Variants in SCRN1 observed in about 807,000 individuals in gnomAD.
SCRN1 encodes the protein secernin-1.
In SCRN1, 19 loss-of-function variants were observed where a neutral mutation model predicts 43.3. The ratio of observed to expected loss-of-function variants is 0.44; its 90% confidence interval spans 0.31 to 0.64. The LOEUF (loss-of-function observed/expected upper bound fraction) is 0.64, where lower values mean the gene tolerates loss of function less well. Ranked by LOEUF, SCRN1 falls within the 30% of genes least tolerant of loss-of-function variation. The pLI, the probability that SCRN1 is intolerant of heterozygous loss-of-function variation, is 0.09. For missense variants in SCRN1, 447 were observed against 524.1 expected (o/e 0.85, Z 1.44); for synonymous variants, 183 against 188.9 (o/e 0.97, Z 0.26).
At chr7:29,989,066 G>A (rs1789265213) in intron 1 of SCRN1, 1 of 152,038 alleles carries the variant, frequency 6.6e-6, no homozygotes, top group Non-Finnish European at 1.5e-5. Context: ...GCGGCCCGCG[G>A]AGAACCCAGG....
At position 29,927,938 on chromosome 7, in the gene SCRN1, T is replaced by C. The variant is rs1261184083; in HGVS notation, c.906-1306A>G. Among the ~76,000 whole-genome samples, 20 of 152,024 alleles carry C rather than the reference T, an allele frequency of 1.3e-4. 1 individual carries two copies. Among genetic ancestry groups the C allele is most frequent in the Admixed American group, 1.2e-3 (19 of 15,266 alleles). ...GAGTTCGAGCCCAGCCTGGCCAACA[T>C]GGTAAAACCCCGTTTCTACTAAAAA... On this transcript the variant is annotated intron_variant, in intron 6 of 7. Transcript: ENST00000242059.
chr7:29,925,663 T>C lies in SCRN1; in HGVS notation c.1086+789A>G, dbSNP rs144740291. On this transcript the variant is annotated intron_variant, in intron 7 of 7. Transcript: ENST00000242059. Reference sequence around the variant, plus strand: ...GACTTATCACTTTATTAACCAAAGGTGTGGGACTGGGGAGAGCTGCACTTT... The same window carrying C: ...GACTTATCACTTTATTAACCAAAGGCGTGGGACTGGGGAGAGCTGCACTTT... Among the ~76,000 whole-genome samples, 504 of 152,274 alleles carry C rather than the reference T, an allele frequency of 3.3e-3. 2 individuals are homozygous for C. The highest frequency in any genetic ancestry group is 0.012 in the African/African-American group (489 of 41,546).
chr7:29,961,716 A>C (rs529877486), intron 2 of SCRN1, among the ~76,000 whole-genome samples: 1 of 151,122 alleles, frequency 6.6e-6, no homozygotes, highest in Non-Finnish European at 1.5e-5. Context: ...ACTTCCCAGT[A>C]GGGGCCGCCG....
At chr7:29,959,100 C>T (rs1305724442) in intron 2 of SCRN1, among the ~76,000 whole-genome samples, 1 of 152,202 alleles carries the variant, frequency 6.6e-6, no homozygotes, top group Admixed American at 6.5e-5. Flanking sequence ...ATCCACATTC[C>T]AGCACACACT....
chr7:29,954,732 G>A (rs796879694), intron 3 of SCRN1, among the ~76,000 whole-genome samples: 2 of 152,300 alleles, frequency 1.3e-5, no homozygotes, highest in African/African-American at 4.8e-5. Context: ...CTCAGCTGGA[G>A]TGCAATGACA....
Position 29,950,209 on chromosome 7 carries a change from C to G in SCRN1, c.341+4970G>C, listed in dbSNP as rs914343575. The stretch of plus-strand genomic sequence containing the variant: ...CCTGACCTCTTCCCGCTTCCCAGCA[C>G]CTGCTCCAGTGCAGAGCAAAGTTGT... On this transcript the variant is annotated intron_variant, in intron 3 of 7. Transcript: ENST00000242059. This position sits in a 1 kb window ranked among gnomAD's most constrained non-coding sequence, Gnocchi z 4.5. Among the ~76,000 whole-genome samples, 9 of 152,226 alleles carry G rather than the reference C, an allele frequency of 5.9e-5. No homozygotes were observed. The highest frequency in any genetic ancestry group is 2.2e-4 in the African/African-American group (9 of 41,462).
intron 1 of SCRN1, among the ~76,000 whole-genome samples, chr7:29,987,523 A>G (rs896419278): frequency 6.6e-6 from 1 of 152,266 alleles, no homozygotes; most frequent in African/African-American, 2.4e-5. Flanking sequence ...AGACTTTACT[A>G]AAATAATGTT....
chr7:29,959,414 G>A (rs527463067), intron 2 of SCRN1, among the ~76,000 whole-genome samples: 1 of 151,942 alleles, frequency 6.6e-6, no homozygotes, highest in Non-Finnish European at 1.5e-5. Context: ...AATTATATAT[G>A]TGTGTGTGTG....
At position 29,963,677 on chromosome 7, in the gene SCRN1, T is replaced by C. The variant is rs115795805; in HGVS notation, c.159+5232A>G. Among the ~76,000 whole-genome samples the C allele has an allele frequency of 2.1e-3, 326 of 152,144 alleles. 2 individuals carry two copies. The highest frequency in any genetic ancestry group is 7.5e-3 in the African/African-American group (313 of 41,512). ...CAATGGTATCTACACATGCACAAAATGACTTATGTACAAGGTTCTCCACAG... is the reference window on the plus strand; with the variant it reads ...CAATGGTATCTACACATGCACAAAACGACTTATGTACAAGGTTCTCCACAG... On this transcript the variant is annotated intron_variant, in intron 2 of 7. Coordinates refer to ENST00000242059, the MANE Select transcript of SCRN1 (RefSeq NM_014766.5).
At chr7:29,979,221 G>T (rs138828177) in intron 1 of SCRN1, among the ~76,000 whole-genome samples, 2,906 of 152,114 alleles carry the variant, frequency 0.019, 40 homozygotes, top group East Asian at 0.041. Context: ...AAATTAGCCA[G>T]GCGTGGTGGC....
At position 29,950,161 on chromosome 7, in the gene SCRN1, T is replaced by C. The variant is rs1787872625; in HGVS notation, c.341+5018A>G. ...CCAGGAAGCCCTTGCCCCTACAGGC[T>C]TGGAAGTGCCTGCTTCCTGCTCCCT... On this transcript the variant is annotated intron_variant, in intron 3 of 7. Coordinates refer to ENST00000242059, the MANE Select transcript of SCRN1 (RefSeq NM_014766.5). The surrounding 1 kb of genome is among the most constrained non-coding windows in gnomAD (Gnocchi z 4.5). 6.6e-6 allele frequency among the ~76,000 whole-genome samples: 1 copy of C among 152,186 alleles called. No individual in the cohort carries two copies. Among genetic ancestry groups the C allele is most frequent in the Non-Finnish European group, 1.5e-5 (1 of 68,014 alleles).
intron 1 of SCRN1, among the ~76,000 whole-genome samples, chr7:29,975,185 T>TTGAA (rs1362856510): frequency 1.3e-5 from 2 of 152,216 alleles, no homozygotes; most frequent in Non-Finnish European, 2.9e-5. Context: ...TGAGAAAACT[T>TTGAA]ATTTATATTC....
At chr7:29,978,654 G>T (rs1778912448) in intron 1 of SCRN1, among the ~76,000 whole-genome samples, 1 of 152,126 alleles carries the variant, frequency 6.6e-6, no homozygotes, top group Non-Finnish European at 1.5e-5. Flanking sequence ...TGTTGTGAAT[G>T]TAACGAAAAT....
chr7:29,970,980 T>C (rs1788649776), intron 1 of SCRN1, among the ~76,000 whole-genome samples: 1 of 152,204 alleles, frequency 6.6e-6, no homozygotes. Context: ...ACTGATGCCA[T>C]CCAACCATAG....
chr7:29,930,602 A>G (rs11974754), intron 6 of SCRN1, among the ~76,000 whole-genome samples: 29,342 of 152,118 alleles, frequency 0.19, 2,900 homozygotes, highest in Middle Eastern at 0.23. Flanking sequence ...CATGCATGGG[A>G]CGCCCCCGAG....
rs542134132 is a variant in SCRN1, at chr7:29,978,034, T to C, written c.-1-8966A>G. On this transcript the variant is annotated intron_variant, in intron 1 of 7. Transcript: ENST00000242059. ...TTTCACCTTTTGAAGATTTGCTTCA[T>C]TGTCACTTCATGTCTTTTAAGAGCT... Among the ~76,000 whole-genome samples the C allele has an allele frequency of 9.8e-5, 15 of 152,336 alleles. No homozygotes were observed. In the East Asian group the frequency reaches 1.9e-3, roughly 20 times the overall value.
chr7:29,922,138 C>T lies in SCRN1; in HGVS notation c.*1819G>A, dbSNP rs1278096012. ...CCAACAGTGAAAGCCCAGGCCAAACCTGCGTGAAGCTCTTAGCAGCTACAG... is the reference window on the plus strand; with the variant it reads ...CCAACAGTGAAAGCCCAGGCCAAACTTGCGTGAAGCTCTTAGCAGCTACAG... On this transcript the variant is annotated 3_prime_UTR_variant, in exon 8 of 8. Transcript: ENST00000242059. 6.6e-6 allele frequency: 1 copy of T among 152,190 alleles called. No homozygotes were observed. The highest frequency in any genetic ancestry group is 2.4e-5 in the African/African-American group (1 of 41,448). 9.4% of individuals were successfully genotyped at this position (152,190 alleles called of 1,614,324 possible). A position where few individuals can be genotyped will look rare whatever the true frequency, so the allele number is the denominator to read the frequency against.
chr7:29,939,663 C>T (rs1787465016), intron 5 of SCRN1, among the ~76,000 whole-genome samples: 1 of 152,098 alleles, frequency 6.6e-6, no homozygotes, highest in African/African-American at 2.4e-5. Context: ...GTTTTTAAAA[C>T]AGGCAGCTGC....
At chr7:29,988,338 G>A (rs1583707025) in intron 1 of SCRN1, among the ~76,000 whole-genome samples, 1 of 152,274 alleles carries the variant, frequency 6.6e-6, no homozygotes, top group African/African-American at 2.4e-5. Flanking sequence ...TTTTAACTAG[G>A]TTTTGTATCA....
Sources: gnomAD v4.1 joint callset for allele counts (sites outside exome capture counted in the v4.1 genomes callset) on GRCh38, gnomAD v4.1.1 for gene constraint, Gnocchi (gnomAD v3.1) non-coding constraint, MANE v1.5 for transcripts, NCBI Gene and HGNC (gene_info 2026-07-23, HGNC 2026-07-21) for gene names.